TTLL5: variants seen among roughly 807,000 people sequenced by gnomAD.
TTLL5 encodes tubulin tyrosine ligase like 5, also known as tubulin polyglutamylase TTLL5.
Under a neutral mutation model 168.4 loss-of-function variants are expected in TTLL5, and 132 were observed. The observed-to-expected ratio is 0.78, with a 90% CI of 0.68 to 0.91. The LOEUF (loss-of-function observed/expected upper bound fraction) is 0.91. TTLL5 is among the 40% of genes least tolerant of loss of function. The probability of loss-of-function intolerance (pLI) is 0.00; values close to 1 mark genes in which losing one functional copy is unlikely to be tolerated. For missense variants in TTLL5, 1,545 were observed against 1,581.5 expected (o/e 0.98, Z 0.39); for synonymous variants, 546 against 558.6 (o/e 0.98, Z 0.32).
intron 31 of TTLL5, among the ~76,000 whole-genome samples, chr14:75,910,552 G>A (rs533535617): frequency 1.3e-5 from 2 of 152,244 alleles, no homozygotes; most frequent in Admixed American, 1.3e-4. Flanking sequence ...TTGCTTTATT[G>A]TCCTCATATC....
chr14:75,771,904 T>A, intron 21 of TTLL5, 50 bp downstream of exon 21: 1 of 1,521,938 alleles, frequency 6.6e-7, no homozygotes, highest in Non-Finnish European at 8.7e-7. Context: ...TTCTTTCTTC[T>A]TTCTGTATTT....
intron 3 of TTLL5, among the ~76,000 whole-genome samples, chr14:75,670,369 A>G (rs1458721047): frequency 6.6e-6 from 1 of 152,084 alleles, no homozygotes; most frequent in Non-Finnish European, 1.5e-5. Flanking sequence ...TCTGTTGTGA[A>G]TTGTGCTGCT....
At chr14:75,713,135 T>G (rs1887209058) in intron 9 of TTLL5, among the ~76,000 whole-genome samples, 1 of 152,236 alleles carries the variant, frequency 6.6e-6, no homozygotes. Flanking sequence ...ATAAGTGTGG[T>G]CATGTAGTCA....
At chr14:75,701,047 A>G (rs1024037325) in intron 7 of TTLL5, among the ~76,000 whole-genome samples, 1 of 147,638 alleles carries the variant, frequency 6.8e-6, no homozygotes, top group Admixed American at 6.8e-5. Context: ...CTTTTCTCGC[A>G]TTTTTAATTC....
At chr14:75,663,268 T>C (rs748013247) in intron 2 of TTLL5, 45 bp downstream of exon 2, 7 of 1,536,240 alleles carry the variant, frequency 4.6e-6, no homozygotes, top group South Asian at 1.2e-5. Context: ...TTGTACTCTT[T>C]CACTTATATA....
At chr14:75,929,740 A>G (rs1454077859) in intron 31 of TTLL5, among the ~76,000 whole-genome samples, 2 of 152,152 alleles carry the variant, frequency 1.3e-5, no homozygotes, top group Admixed American at 6.5e-5. Context: ...GGAGTGAGCC[A>G]CTACGCCCGG....
Position 75,736,095 on chromosome 14 carries a change from C to A in TTLL5, c.1281+806C>A, listed in dbSNP as rs145968509. ...TCATTTTAACATTTATTTACTTGTT[C>A]TATATTACATTGTTTTGCATTCATT... is the stretch of plus-strand genomic sequence containing the variant. On this transcript the variant is annotated intron_variant, in intron 15 of 31. Coordinates refer to ENST00000298832, the MANE Select transcript of TTLL5 (RefSeq NM_015072.5). Among the ~76,000 whole-genome samples the A allele has an allele frequency of 1.2e-3, 184 of 152,208 alleles. 1 individual carries two copies. The highest frequency in any genetic ancestry group is 4.0e-3 in the African/African-American group (167 of 41,554).
rs34048806 is a variant in TTLL5, at chr14:75,926,156, CTTTTTTTTTTTTT to C, written c.3823+23948_3823+23960del. On this transcript the variant is annotated intron_variant, in intron 31 of 31. Coordinates refer to ENST00000298832, the MANE Select transcript of TTLL5 (RefSeq NM_015072.5). ...TTAAAGACTAGGATTGCAACCCCAG[CTTTTTTTTTTTTT>C]TTTTTTTTTTTTTTTGCTTTCCATT... Among the ~76,000 whole-genome samples, 120 of 29,962 alleles carry C rather than the reference CTTTTTTTTTTTTT, an allele frequency of 4.0e-3. 3 individuals are homozygous for C. The highest frequency in any genetic ancestry group is 0.019 in the African/African-American group (97 of 5,188). The allele number at this position is 29,962 out of a possible 152,430, so 19.7% of individuals were successfully genotyped here.
At chr14:75,684,803 GTGAC>G (rs1320344768) in intron 5 of TTLL5, 2 of 152,188 alleles carry the variant, frequency 1.3e-5, no homozygotes, top group Non-Finnish European at 2.9e-5. Context: ...AAAAACAAGA[GTGAC>G]TGGGGGATAG....
chr14:75,809,821 T>C (rs1893888057), intron 27 of TTLL5, among the ~76,000 whole-genome samples: 1 of 152,206 alleles, frequency 6.6e-6, no homozygotes, highest in Admixed American at 6.5e-5. Context: ...ATGCAATTTT[T>C]GTGTTTCTGT....
rs955323671 is a variant in TTLL5, at chr14:75,707,645, CTA to C, written c.680_681del (p.Tyr227CysfsTer7). 8 of 1,607,836 alleles carry C rather than the reference CTA, an allele frequency of 5.0e-6. No individual in the cohort carries two copies. The highest frequency in any genetic ancestry group is 6.8e-6 in the Non-Finnish European group (8 of 1,177,120). On this transcript the variant is annotated frameshift_variant, in exon 9 of 32. Transcript: ENST00000298832. LOFTEE classifies it high-confidence loss of function. ...IDDFKFDVRLYVLVTSYDPLV... is the reference protein window; with the variant it reads ...IDDFKFDVRLXVLVTSYDPLV... Reference sequence around the variant, plus strand: ...TAGATTTCAAGTTTGACGTGCGCCTCTATGTGCTCGTGACTTCCTATGATCCT... The same window carrying C: ...TAGATTTCAAGTTTGACGTGCGCCTCTGTGCTCGTGACTTCCTATGATCCT...
chr14:75,919,222 GGAAAAA>G (rs1445973610), intron 31 of TTLL5, among the ~76,000 whole-genome samples: 20 of 84,774 alleles, frequency 2.4e-4, no homozygotes, highest in South Asian at 7.8e-4. Context: ...AAAAAAAAAA[GGAAAAA>G]GAAAAAGAAA....
chr14:75,906,387 G>A (rs1027438113), intron 31 of TTLL5, among the ~76,000 whole-genome samples: 17 of 152,252 alleles, frequency 1.1e-4, no homozygotes, highest in Non-Finnish European at 1.6e-4. Context: ...CCACTTTTAC[G>A]CTGTTCAAAA....
At chr14:75,841,264 G>T (rs141150058) in intron 28 of TTLL5, among the ~76,000 whole-genome samples, 75 of 152,214 alleles carry the variant, frequency 4.9e-4, no homozygotes, top group African/African-American at 1.7e-3. Context: ...GCCATTTTTG[G>T]ATTTTAGGTT....
chr14:75,798,970 C>T lies in TTLL5; in HGVS notation c.3171+5870C>T, dbSNP rs986837060. ...CTGGGTAGAATGTTCTGTAAATATC[C>T]GTTAACTCCATTTGTTCTAGGGTAT... is the stretch of plus-strand genomic sequence containing the variant. On this transcript the variant is annotated intron_variant, in intron 27 of 31. Transcript: ENST00000298832. 3.9e-5 allele frequency among the ~76,000 whole-genome samples: 6 copies of T among 152,132 alleles called. No homozygotes were observed. The East Asian group carries it at 9.6e-4, about 24-fold the overall frequency.
intron 6 of TTLL5, among the ~76,000 whole-genome samples, chr14:75,693,419 C>G (rs565567208): frequency 6.6e-6 from 1 of 152,254 alleles, no homozygotes; most frequent in Non-Finnish European, 1.5e-5. Context: ...GCTTTTTGTT[C>G]TAATAAGAGA....
At position 75,764,688 on chromosome 14, in the gene TTLL5, T is replaced by C. The variant is rs760056637; in HGVS notation, c.1624T>C (p.Tyr542His). 2 of 1,614,180 alleles carry C rather than the reference T, an allele frequency of 1.2e-6. No individual in the cohort carries two copies. The highest frequency in any genetic ancestry group is 2.2e-5 in the East Asian group (1 of 44,884). The change falls in exon 19 of 32, where the codon TAC becomes CAC. Residue 542 changes from tyrosine to histidine, a missense_variant. By Grantham distance (83) the Tyr-to-His change is moderately conservative. Transcript: ENST00000298832. ...NSKAKLHAAL[Y>H]ERKLLSLEVR... is the part of the protein sequence containing the mutation. ...AAAGGCCAAGCTGCATGCTGCACTT[T>C]ACGAGAGGAAGCTCCTGTCTCTGGA...
chr14:75,676,791 A>C (rs1884198212), intron 3 of TTLL5, among the ~76,000 whole-genome samples: 1 of 149,894 alleles, frequency 6.7e-6, no homozygotes. Context: ...TTTTTTCTGA[A>C]ACAGGGTCTT....
chr14:75,814,619 T>C (rs1381319554), intron 27 of TTLL5: 3 of 152,224 alleles, frequency 2.0e-5, no homozygotes, highest in Non-Finnish European at 4.4e-5. Context: ...AGATTCGTTT[T>C]TGTTCAGTGA....
Sources: gnomAD v4.1 joint callset for allele counts (sites outside exome capture counted in the v4.1 genomes callset) on GRCh38, gnomAD v4.1.1 for gene constraint, MANE v1.5 for transcripts, NCBI Gene and HGNC (gene_info 2026-07-23, HGNC 2026-07-21) for gene names.